The following NCKAP5 variants were observed in gnomAD, a reference collection of about 807,000 sequenced individuals.
NCKAP5 encodes nck-associated protein 5.
In NCKAP5, 92 loss-of-function variants were observed where a neutral mutation model predicts 167.0. The observed-to-expected ratio is 0.55, with a 90% CI of 0.47 to 0.66. The LOEUF (loss-of-function observed/expected upper bound fraction) is 0.66, where lower values mean the gene tolerates loss of function less well. Among genes scored for constraint, NCKAP5 ranks in the 30% least tolerant of loss-of-function variants. NCKAP5 has a pLI of 0.00. For missense variants in NCKAP5, 2,378 were observed against 2,315.0 expected, an observed-to-expected ratio of 1.03 and a Z score of -0.56; for synonymous variants, 891 against 877.4, an observed-to-expected ratio of 1.02 and a Z score of -0.27.
chr2:133,059,353 T>C (rs2149510659), intron 6 of NCKAP5, among the ~76,000 whole-genome samples: 1 of 152,094 alleles, frequency 6.6e-6, no homozygotes, highest in Admixed American at 6.5e-5. Context: ...ATTGTTAGCA[T>C]TTTTTAGCAA....
intron 11 of NCKAP5, among the ~76,000 whole-genome samples, chr2:132,811,717 A>G (rs974996127): frequency 6.6e-6 from 1 of 152,148 alleles, no homozygotes; most frequent in Non-Finnish European, 1.5e-5. Context: ...GAAAGAAAAA[A>G]GGCTTGGTTC....
At chr2:133,406,687 T>G (rs1688457756) in intron 3 of NCKAP5, among the ~76,000 whole-genome samples, 1 of 152,122 alleles carries the variant, frequency 6.6e-6, no homozygotes, top group Non-Finnish European at 1.5e-5. Context: ...AAGATCAAAG[T>G]TGGGAATCTG....
intron 11 of NCKAP5, among the ~76,000 whole-genome samples, chr2:132,850,154 T>G (rs1378303384): frequency 6.6e-6 from 1 of 152,210 alleles, no homozygotes; most frequent in African/African-American, 2.4e-5. Context: ...GTTACTAGGT[T>G]ATTAGATCCA....
intron 5 of NCKAP5, among the ~76,000 whole-genome samples, chr2:133,179,310 T>C (rs188840570): frequency 2.0e-5 from 3 of 151,670 alleles, no homozygotes; most frequent in East Asian, 1.9e-4. Flanking sequence ...TTCAAAATGC[T>C]CCAACAAGCA....
intron 2 of NCKAP5, among the ~76,000 whole-genome samples, chr2:133,547,266 G>C (rs981893948): frequency 3.9e-5 from 6 of 152,198 alleles, no homozygotes; most frequent in African/African-American, 1.2e-4. Context: ...ACAGCAGTCT[G>C]AGATCAAACT....
upstream of NCKAP5, among the ~76,000 whole-genome samples, chr2:133,569,015 T>C (rs371448449): frequency 3.3e-5 from 5 of 152,282 alleles, no homozygotes; most frequent in African/African-American, 9.6e-5. Context: ...TTTGCAAATA[T>C]GCAATTTTTC....
At position 133,116,401 on chromosome 2, in the gene NCKAP5, T is replaced by C. The variant is rs572961931; in HGVS notation, c.341+13577A>G. The stretch of plus-strand genomic sequence containing the variant: ...TACTCGGGAGGCTGAGGCAGGAGAA[T>C]GGCGTGAACCCGGGAGGCGGAGCTT... On this transcript the variant is annotated intron_variant, in intron 6 of 19. Coordinates refer to ENST00000409261, the MANE Select transcript of NCKAP5 (RefSeq NM_207363.3). 5.9e-4 allele frequency among the ~76,000 whole-genome samples: 56 copies of C among 94,382 alleles called. 6 individuals are homozygous for C. The South Asian group carries it at 0.018, about 31-fold the overall frequency. 61.9% of individuals were successfully genotyped at this position (94,382 alleles called of 152,430 possible).
intron 19 of NCKAP5, among the ~76,000 whole-genome samples, chr2:132,724,037 C>T (rs1048134705): frequency 2.6e-5 from 4 of 152,194 alleles, no homozygotes; most frequent in African/African-American, 9.7e-5. Context: ...CCTCCTGCTA[C>T]TCCTGGGCTC....
At chr2:133,087,548 T>C (rs1051697251) in intron 6 of NCKAP5, among the ~76,000 whole-genome samples, 1 of 152,198 alleles carries the variant, frequency 6.6e-6, no homozygotes, top group Non-Finnish European at 1.5e-5. Flanking sequence ...TCCAGCAGGA[T>C]GTAGGCTCTG....
intron 5 of NCKAP5, among the ~76,000 whole-genome samples, chr2:133,179,335 T>C (rs1358521418): frequency 6.6e-6 from 1 of 151,708 alleles, no homozygotes; most frequent in Non-Finnish European, 1.5e-5. Flanking sequence ...CTTTAGGTGG[T>C]ATGTTGGCAC....
chr2:133,254,615 T>C lies in NCKAP5; in HGVS notation c.144-40836A>G, dbSNP rs59470192. Among the ~76,000 whole-genome samples the C allele has an allele frequency of 4.1e-3, 629 of 152,318 alleles. 14 individuals are homozygous for C. The South Asian group carries it at 0.056, about 14-fold the overall frequency. ...AAGGTATCATCATCTGATCCTTTACTATGGGTTTCGTCCTTCACATACATA... is the reference window on the plus strand; with the variant it reads ...AAGGTATCATCATCTGATCCTTTACCATGGGTTTCGTCCTTCACATACATA... On this transcript the variant is annotated intron_variant, in intron 4 of 19. Coordinates refer to ENST00000409261, the MANE Select transcript of NCKAP5 (RefSeq NM_207363.3).
At chr2:133,281,284 T>G (rs1013825455) in intron 4 of NCKAP5, among the ~76,000 whole-genome samples, 1 of 152,258 alleles carries the variant, frequency 6.6e-6, no homozygotes, top group Non-Finnish European at 1.5e-5. Context: ...CAAGTATAGT[T>G]GCTTATATCA....
chr2:132,910,579 C>T (rs1456830839), intron 8 of NCKAP5, among the ~76,000 whole-genome samples: 1 of 152,140 alleles, frequency 6.6e-6, no homozygotes. Flanking sequence ...TCCATGCATG[C>T]CTTTGCAAAT....
chr2:133,454,081 G>A (rs914340388), intron 3 of NCKAP5, among the ~76,000 whole-genome samples: 3 of 151,794 alleles, frequency 2.0e-5, no homozygotes, highest in African/African-American at 4.8e-5. Flanking sequence ...TTTTTAGTAC[G>A]GCTAAAAACA....
chr2:133,356,892 G>A (rs1232696423), intron 3 of NCKAP5, among the ~76,000 whole-genome samples: 2 of 152,196 alleles, frequency 1.3e-5, no homozygotes, highest in Non-Finnish European at 1.5e-5. Context: ...AGAGAGCCAT[G>A]TTCCTTTACA....
chr2:133,031,408 C>T (rs2078874661), intron 6 of NCKAP5, among the ~76,000 whole-genome samples: 1 of 152,158 alleles, frequency 6.6e-6, no homozygotes, highest in African/African-American at 2.4e-5. Context: ...GCATTTAAAC[C>T]AGCCTCAGCC....
chr2:133,133,386 T>C (rs939173945), intron 5 of NCKAP5, among the ~76,000 whole-genome samples: 4 of 152,212 alleles, frequency 2.6e-5, no homozygotes, highest in Admixed American at 6.5e-5. Flanking sequence ...ATTCTTCCCA[T>C]GTTCTTCGAG....
intron 5 of NCKAP5, among the ~76,000 whole-genome samples, chr2:133,208,925 A>G (rs530824595): frequency 1.3e-5 from 2 of 152,200 alleles, no homozygotes; most frequent in African/African-American, 2.4e-5. Flanking sequence ...GCAGGTTGAT[A>G]TGAGCATTTG....
intron 3 of NCKAP5, among the ~76,000 whole-genome samples, chr2:133,515,794 G>A (rs1310315753): frequency 3.3e-5 from 5 of 152,170 alleles, no homozygotes; most frequent in Admixed American, 6.5e-5. Context: ...GGTTACTCAC[G>A]TCCCCCTGCC....
Sources: allele counts gnomAD v4.1 joint callset (sites outside exome capture counted in the v4.1 genomes callset), GRCh38; gene constraint gnomAD v4.1.1; transcripts MANE v1.5; gene names NCBI Gene and HGNC (gene_info 2026-07-23, HGNC 2026-07-21).